The following ST3GAL6 variants were observed in gnomAD, a reference collection of about 807,000 sequenced individuals.
ST3GAL6 encodes type 2 lactosamine alpha-2,3-sialyltransferase.
Under a neutral mutation model 40.5 loss-of-function variants are expected in ST3GAL6, and 31 were observed. That is an observed-to-expected ratio of 0.77 (90% confidence interval 0.58 to 1.03). ST3GAL6 has a LOEUF of 1.03. Ranked by LOEUF, ST3GAL6 falls within the 50% of genes least tolerant of loss-of-function variation. The probability of loss-of-function intolerance (pLI) is 0.00; values close to 1 mark genes in which losing one functional copy is unlikely to be tolerated. For synonymous variants in ST3GAL6, 129 were observed against 136.9 expected (o/e 0.94, Z 0.40); for missense variants, 357 against 393.2 (o/e 0.91, Z 0.78).
chr3:98,787,930 G>A (rs920383849), intron 6 of ST3GAL6, 106 bp from the exon 7 acceptor site: 4 of 960,850 alleles, frequency 4.2e-6, no homozygotes, highest in Admixed American at 2.8e-5. Context: ...TCAGAGCACA[G>A]GATAAAAGGC....
chr3:98,764,834 A>G (rs1256788817), intron 1 of ST3GAL6, among the ~76,000 whole-genome samples: 1 of 152,224 alleles, frequency 6.6e-6, no homozygotes, highest in African/African-American at 2.4e-5. Context: ...CTAAGCACTC[A>G]TACATCTTAA....
chr3:98,786,243 G>A (rs747641567), intron 6 of ST3GAL6, among the ~76,000 whole-genome samples: 7 of 152,116 alleles, frequency 4.6e-5, no homozygotes, highest in Non-Finnish European at 1.0e-4. Flanking sequence ...AGAGAGAAGA[G>A]AGTGAGGACT....
At chr3:98,778,170 A>G (rs1939729860) in intron 5 of ST3GAL6, among the ~76,000 whole-genome samples, 1 of 152,236 alleles carries the variant, frequency 6.6e-6, no homozygotes, top group African/African-American at 2.4e-5. Context: ...GTAACTAGAC[A>G]TAAATATCTT....
At chr3:98,756,583 G>A in intron 1 of ST3GAL6, 1 of 1,189,546 alleles carries the variant, frequency 8.4e-7, no homozygotes, top group East Asian at 5.8e-5. Context: ...TTGCTTAAAT[G>A]TAAACTTGAG....
intron 4 of ST3GAL6, among the ~76,000 whole-genome samples, chr3:98,773,662 TTA>T (rs1417589752): frequency 1.3e-5 from 2 of 152,106 alleles, no homozygotes; most frequent in Non-Finnish European, 2.9e-5. Context: ...TATTTTAAAA[TTA>T]TATGATTGTT....
chr3:98,791,460 G>A (rs751592893), intron 8 of ST3GAL6, among the ~76,000 whole-genome samples: 42 of 152,062 alleles, frequency 2.8e-4, no homozygotes, highest in Non-Finnish European at 4.9e-4. Context: ...TTTCATACAC[G>A]TGTTCAAAAT....
intron 5 of ST3GAL6, chr3:98,783,738 T>C: frequency 1.0e-6 from 1 of 976,954 alleles, no homozygotes; most frequent in Non-Finnish European, 1.2e-6. Flanking sequence ...CCTGTGCCAC[T>C]GGTACTTATT....
chr3:98,759,041 C>T (rs1937569941), upstream of ST3GAL6, among the ~76,000 whole-genome samples: 1 of 152,134 alleles, frequency 6.6e-6, no homozygotes, highest in Non-Finnish European at 1.5e-5. Context: ...ATCTTAACAC[C>T]TAATTATGCT....
intron 5 of ST3GAL6, among the ~76,000 whole-genome samples, chr3:98,781,041 C>T (rs1940061168): frequency 6.6e-6 from 1 of 152,106 alleles, no homozygotes; most frequent in African/African-American, 2.4e-5. Flanking sequence ...ATGTTTATTG[C>T]AGCACTGTTC....
At chr3:98,756,129 C>T (rs941016367) in intron 1 of ST3GAL6, among the ~76,000 whole-genome samples, 7 of 152,144 alleles carry the variant, frequency 4.6e-5, no homozygotes, top group African/African-American at 1.7e-4. Context: ...TTTAAGGAGA[C>T]TGAGCTGGGT....
At chr3:98,757,459 T>C (rs1252373175) in intron 1 of ST3GAL6, among the ~76,000 whole-genome samples, 1 of 152,212 alleles carries the variant, frequency 6.6e-6, no homozygotes, top group Non-Finnish European at 1.5e-5. Context: ...GAGGTAGGGC[T>C]GGATCCTCAG....
At chr3:98,791,759 T>C in intron 8 of ST3GAL6, 82 bp from the exon 9 acceptor site, 1 of 1,277,818 alleles carries the variant, frequency 7.8e-7, no homozygotes, top group Middle Eastern at 1.9e-4. Flanking sequence ...ATCCCTGTTT[T>C]ATATGATTCA....
rs369999676 is a variant in ST3GAL6 at position 98,793,501 on chromosome 3, A to G, written c.910-174A>G. Among the ~76,000 whole-genome samples, 101 of 151,824 alleles carry G rather than the reference A, an allele frequency of 6.7e-4. No individual in the cohort carries two copies. In the South Asian group the frequency reaches 0.014, roughly 21 times the overall value. On this transcript the variant is annotated intron_variant, in intron 9 of 9. Coordinates refer to ENST00000483910, the MANE Select transcript of ST3GAL6 (RefSeq NM_001323368.2). ...GGGCTGTAGGGAAAGCTTTTGCACA[A>G]GAACCAGCAAGGAAAGTAATTTAAA...
chr3:98,752,760 C>T (rs750267504), intron 1 of ST3GAL6, among the ~76,000 whole-genome samples: 3 of 152,178 alleles, frequency 2.0e-5, no homozygotes, highest in East Asian at 1.9e-4. Context: ...CGTGAGCCAC[C>T]GCGCCCAGCT....
At chr3:98,765,245 C>T (rs1250976909) in intron 1 of ST3GAL6, among the ~76,000 whole-genome samples, 1 of 152,180 alleles carries the variant, frequency 6.6e-6, no homozygotes. Flanking sequence ...TTAGAATTAT[C>T]TCTTTTAGAT....
Position 98,774,331 on chromosome 3 carries a change from C to T in ST3GAL6, c.335+348C>T, listed in dbSNP as rs546606897. On this transcript the variant is annotated intron_variant, in intron 5 of 9. Transcript: ENST00000483910. ...TTCCCTTTATAGGCTGTTTCCCATA[C>T]TTTTCCATGCATCCTCCAAACTACT... Among the ~76,000 whole-genome samples, 566 of 152,254 alleles carry T rather than the reference C, an allele frequency of 3.7e-3. 3 individuals carry two copies. Among genetic ancestry groups the T allele is most frequent in the African/African-American group, 0.013 (535 of 41,556 alleles).
intron 5 of ST3GAL6, among the ~76,000 whole-genome samples, chr3:98,775,948 G>C (rs1376928678): frequency 6.6e-6 from 1 of 152,294 alleles, no homozygotes. Context: ...TCTAGATAAA[G>C]AATGAATGGC....
At chr3:98,749,638 T>A (rs559656418) in intron 1 of ST3GAL6, among the ~76,000 whole-genome samples, 1 of 152,342 alleles carries the variant, frequency 6.6e-6, no homozygotes, top group Non-Finnish European at 1.5e-5. Flanking sequence ...GATGAAATGT[T>A]ATTTATAACT....
In ST3GAL6 at chr3:98,770,623, A is replaced by AT. The variant is rs1379133783; in HGVS notation, c.90-255dup. The AT allele has an allele frequency of 1.5e-5, 6 of 391,160 alleles. No individual in the cohort carries two copies. In the East Asian group the frequency reaches 2.8e-4, roughly 18 times the overall value. 24.2% of individuals were successfully genotyped at this position (391,160 alleles called of 1,614,324 possible). On this transcript the variant is annotated intron_variant, in intron 2 of 9. Coordinates refer to ENST00000483910, the MANE Select transcript of ST3GAL6 (RefSeq NM_001323368.2). The stretch of plus-strand genomic sequence containing the variant: ...TGGCCCTTCTCTGAAGGTCCTTTGA[A>AT]TCATTGCTCTTGGAATCACTTCTGG...
Sources: allele counts gnomAD v4.1 joint callset (sites outside exome capture counted in the v4.1 genomes callset), GRCh38; gene constraint gnomAD v4.1.1; transcripts MANE v1.5; gene names NCBI Gene and HGNC (gene_info 2026-07-23, HGNC 2026-07-21).